Variants in B4GALT1 observed in about 807,000 individuals in gnomAD.
B4GALT1 encodes beta-1,4-galactosyltransferase 1.
A neutral mutation model predicts 34.9 loss-of-function variants in B4GALT1; 16 were observed. That is an observed-to-expected ratio of 0.46 (90% CI 0.31 to 0.70). The LOEUF is 0.70. B4GALT1 is among the 30% of genes least tolerant of loss of function. The pLI, the probability that B4GALT1 is intolerant of heterozygous loss-of-function variation, is 0.05. For synonymous variants in B4GALT1, 221 were observed against 218.1 expected (o/e 1.01, Z -0.12); for missense variants, 445 against 530.5 (o/e 0.84, Z 1.58).
At chr9:33,157,839 C>G (rs181587964) in intron 1 of B4GALT1, among the ~76,000 whole-genome samples, 1 of 152,192 alleles carries the variant, frequency 6.6e-6, no homozygotes, top group Non-Finnish European at 1.5e-5. Context: ...TAAGCCCTTT[C>G]GTGGCTACTA....
chr9:33,115,973 C>G lies in B4GALT1; in HGVS notation c.959+18G>C. On this transcript the variant is annotated intron_variant, in intron 4 of 5. Coordinates refer to ENST00000379731, the MANE Select transcript of B4GALT1 (RefSeq NM_001497.4). ...GAAGGTTGACAGAGGAGAAAGATAT[C>G]TAAGTTATGACCATTACCTGTTAAA... 1 of 1,607,162 alleles carries G rather than the reference C, an allele frequency of 6.2e-7. No individual in the cohort carries two copies. Among genetic ancestry groups the G allele is most frequent in the South Asian group, 1.1e-5 (1 of 90,960 alleles).
chr9:33,117,487 G>A (rs1026148110), intron 3 of B4GALT1, among the ~76,000 whole-genome samples: 1 of 152,104 alleles, frequency 6.6e-6, no homozygotes, highest in Non-Finnish European at 1.5e-5. Context: ...GCCTTCCTGT[G>A]GGTTCTCTAA....
At chr9:33,129,282 G>T (rs1345764399) in intron 2 of B4GALT1, among the ~76,000 whole-genome samples, 1 of 152,186 alleles carries the variant, frequency 6.6e-6, no homozygotes, top group Non-Finnish European at 1.5e-5. Context: ...CAATCACAAG[G>T]CTAAGGTATT....
downstream of B4GALT1, among the ~76,000 whole-genome samples, chr9:33,109,460 C>G (rs1839830092): frequency 6.6e-6 from 1 of 152,184 alleles, no homozygotes; most frequent in Non-Finnish European, 1.5e-5. Context: ...AAATTAAACC[C>G]AAGAAGAGGC....
upstream of B4GALT1, among the ~76,000 whole-genome samples, chr9:33,171,488 T>G (rs970857650): frequency 1.3e-5 from 2 of 152,118 alleles, no homozygotes; most frequent in Admixed American, 1.3e-4. Flanking sequence ...TTCTAAAGCA[T>G]TCTTTTGCTT....
upstream of B4GALT1, among the ~76,000 whole-genome samples, chr9:33,167,855 G>T (rs1049600353): frequency 1.3e-5 from 2 of 152,254 alleles, no homozygotes; most frequent in African/African-American, 4.8e-5. Context: ...GCGAGGAGTG[G>T]CACGTTCGAA....
chr9:33,124,309 C>G (rs1033602709), intron 2 of B4GALT1, among the ~76,000 whole-genome samples: 1 of 152,176 alleles, frequency 6.6e-6, no homozygotes, highest in East Asian at 1.9e-4. Context: ...TCCATTTGCT[C>G]AAGTAAACAT....
At chr9:33,147,948 C>T (rs1431568734) in intron 1 of B4GALT1, among the ~76,000 whole-genome samples, 3 of 151,884 alleles carry the variant, frequency 2.0e-5, no homozygotes, top group African/African-American at 7.3e-5. Flanking sequence ...GTGGGAGGAT[C>T]GCTTAAGCCC....
rs535810397 is a variant in B4GALT1, at chr9:33,124,195, G to A, written c.649-3589C>T. Among the ~76,000 whole-genome samples, 55 of 152,288 alleles carry A rather than the reference G, an allele frequency of 3.6e-4. 1 individual carries two copies. The highest frequency in any genetic ancestry group is 1.3e-3 in the African/African-American group (53 of 41,562). ...CACACCTTCTTTGATAAGAAAGACA[G>A]GCCCTGGCAAGCTCACCAAGCCCCA... On this transcript the variant is annotated intron_variant, in intron 2 of 5. Coordinates refer to ENST00000379731, the MANE Select transcript of B4GALT1 (RefSeq NM_001497.4).
intron 1 of B4GALT1, among the ~76,000 whole-genome samples, chr9:33,154,019 G>GAGGA (rs1317864515): frequency 5.0e-5 from 5 of 99,698 alleles, no homozygotes; most frequent in South Asian, 4.3e-4. Context: ...GAGAGAGAGA[G>GAGGA]AGGAAGGAAG....
Position 33,134,805 on chromosome 9 carries a change from TA to T in B4GALT1, c.648+383del, listed in dbSNP as rs1840242962. Reference sequence around the variant, plus strand: ...TGACTGGATAAACTTTGAAGTTACCTAAAAGTCTGACATCTAAATGGTGGTT... The same window carrying T: ...TGACTGGATAAACTTTGAAGTTACCTAAAGTCTGACATCTAAATGGTGGTT... On this transcript the variant is annotated intron_variant, in intron 2 of 5. Coordinates refer to ENST00000379731, the MANE Select transcript of B4GALT1 (RefSeq NM_001497.4). 2.6e-5 allele frequency among the ~76,000 whole-genome samples: 4 copies of T among 152,336 alleles called. No homozygotes were observed. In the South Asian group the frequency reaches 8.3e-4, roughly 32 times the overall value.
At chr9:33,135,519 A>G in intron 1 of B4GALT1, 95 bp from the exon 2 acceptor site, 1 of 1,271,896 alleles carries the variant, frequency 7.9e-7, no homozygotes, top group East Asian at 2.5e-5. Context: ...CTGCAGCTGC[A>G]GAGGAAATGT....
chr9:33,135,367 T>C lies in B4GALT1; in HGVS notation c.470A>G (p.Gln157Arg). The C allele has an allele frequency of 6.2e-7, 1 of 1,614,224 alleles. No individual in the cohort carries two copies. Among genetic ancestry groups the C allele is most frequent in the Non-Finnish European group, 8.5e-7 (1 of 1,180,032 alleles). Residue 157 changes from glutamine to arginine, a missense_variant, in exon 2 of 6, where the codon CAG (glutamine) becomes CGG (arginine). Coordinates refer to ENST00000379731, the MANE Select transcript of B4GALT1 (RefSeq NM_001497.4). The part of the protein sequence containing the change: ...MPVDLELVAK[Q>R]NPNVKMGGRY... ...GCCGCCCATCTTCACATTTGGGTTC[T>C]GCTTTGCCACGAGCTCCAGGTCCAC...
At chr9:33,145,506 CAG>C (rs1444597203) in intron 1 of B4GALT1, among the ~76,000 whole-genome samples, 2 of 152,164 alleles carry the variant, frequency 1.3e-5, no homozygotes, top group African/African-American at 4.8e-5. Flanking sequence ...GCACCATGAT[CAG>C]ATTCTGCCAC....
At chr9:33,119,363 T>G (rs988687537) in intron 3 of B4GALT1, among the ~76,000 whole-genome samples, 2 of 152,154 alleles carry the variant, frequency 1.3e-5, no homozygotes, top group African/African-American at 4.8e-5. Context: ...GTGGAAAAAT[T>G]TGGGCTTTGT....
intron 1 of B4GALT1, among the ~76,000 whole-genome samples, chr9:33,146,193 T>C (rs1840422926): frequency 6.6e-6 from 1 of 152,328 alleles, no homozygotes; most frequent in South Asian, 2.1e-4. Context: ...TGGTCCTCAC[T>C]CAAGGGCAGA....
At chr9:33,131,812 T>C (rs1396864947) in intron 2 of B4GALT1, among the ~76,000 whole-genome samples, 4 of 152,222 alleles carry the variant, frequency 2.6e-5, no homozygotes, top group African/African-American at 9.6e-5. Flanking sequence ...TCCTAATTTG[T>C]AGACAGGATG....
intron 1 of B4GALT1, among the ~76,000 whole-genome samples, chr9:33,145,591 G>C (rs577393621): frequency 6.6e-6 from 1 of 152,304 alleles, no homozygotes; most frequent in East Asian, 1.9e-4. Context: ...AGAGCTGTGG[G>C]AATTATGTGT....
intron 2 of B4GALT1, among the ~76,000 whole-genome samples, chr9:33,121,000 A>G (rs1268658129): frequency 1.3e-5 from 2 of 152,240 alleles, no homozygotes; most frequent in African/African-American, 4.8e-5. Flanking sequence ...AAACACATAC[A>G]TCATTTATTT....
Sources: gnomAD v4.1 joint callset for allele counts (sites outside exome capture counted in the v4.1 genomes callset) on GRCh38, gnomAD v4.1.1 for gene constraint, MANE v1.5 for transcripts, NCBI Gene and HGNC (gene_info 2026-07-23, HGNC 2026-07-21) for gene names.